Variants in STK32A observed in about 807,000 individuals in gnomAD.
The protein encoded by STK32A is serine/threonine kinase 32A, also known as serine/threonine-protein kinase 32A.
A neutral mutation model predicts 53.2 loss-of-function variants in STK32A; 41 were observed. That is an observed-to-expected ratio of 0.77 (90% CI 0.60 to 1.00). The LOEUF is 1.00. Among genes scored for constraint, STK32A ranks in the 50% least tolerant of loss-of-function variants. The pLI is 0.00. For synonymous variants in STK32A, 166 were observed against 162.8 expected, an observed-to-expected ratio of 1.02 and a Z score of -0.15; for missense variants, 458 against 485.8, an observed-to-expected ratio of 0.94 and a Z score of 0.54.
At chr5:147,341,737 A>G (rs1487138924) in intron 5 of STK32A, among the ~76,000 whole-genome samples, 2 of 152,216 alleles carry the variant, frequency 1.3e-5, no homozygotes, top group African/African-American at 4.8e-5. Context: ...CCAGTCTTTT[A>G]CACACTGATG....
At chr5:147,329,646 C>T (rs1754766208) in intron 5 of STK32A, among the ~76,000 whole-genome samples, 5 of 151,310 alleles carry the variant, frequency 3.3e-5, no homozygotes, top group African/African-American at 7.4e-5. Context: ...CGTGCACGCA[C>T]GCACACACAC....
chr5:147,337,135 C>T (rs993134703), intron 5 of STK32A, among the ~76,000 whole-genome samples: 5 of 152,138 alleles, frequency 3.3e-5, no homozygotes, highest in Non-Finnish European at 7.3e-5. Context: ...TTCCTTGGAT[C>T]CTGCCACAAG....
At chr5:147,240,000 A>C in intron 2 of STK32A, 1 of 277,260 alleles carries the variant, frequency 3.6e-6, no homozygotes. Context: ...AGTTGAAGTT[A>C]CCCCCATTGC....
intron 5 of STK32A, among the ~76,000 whole-genome samples, chr5:147,341,370 G>T (rs1340433581): frequency 6.6e-6 from 1 of 152,168 alleles, no homozygotes; most frequent in Non-Finnish European, 1.5e-5. Context: ...GAATTTCTCT[G>T]GGTGTCATTA....
rs1757184409 is a variant in STK32A, at chr5:147,375,204, T to C, written c.1018T>C (p.Cys340Arg). The change falls in exon 11 of 13, where the codon TGC (cysteine) becomes CGC (arginine). Residue 340 changes from cysteine (C) to arginine (R), a missense_variant. Cys to Arg is a radical substitution (Grantham distance 180). Transcript: ENST00000397936. ...LAKKEKDMRK[C>R]DSSQTCLLQE... Reference sequence around the variant, plus strand: ...AAAGAAGGAGAAGGATATGAGGAAATGCGATTCTTCTCAGGTAAGCAGGTC... The same window carrying C: ...AAAGAAGGAGAAGGATATGAGGAAACGCGATTCTTCTCAGGTAAGCAGGTC... 1 of 1,610,860 alleles carries C rather than the reference T, an allele frequency of 6.2e-7. No individual in the cohort carries two copies. The highest frequency in any genetic ancestry group is 1.1e-5 in the South Asian group (1 of 90,212).
At chr5:147,372,209 AGT>A (rs138596944) in intron 9 of STK32A, among the ~76,000 whole-genome samples, 2,064 of 150,440 alleles carry the variant, frequency 0.014, 36 homozygotes, top group African/African-American at 0.048. Context: ...GGAGGTCAAA[AGT>A]GTATATTGAG....
At chr5:147,394,251 C>A in the STK32A span, 1 of 880,312 alleles carries the variant, frequency 1.1e-6, no homozygotes, top group South Asian at 1.6e-5. Flanking sequence ...GCCTCACCTC[C>A]CAAGAAACTT....
chr5:147,381,213 T>C (rs1266233533), intron 11 of STK32A, among the ~76,000 whole-genome samples: 1 of 152,200 alleles, frequency 6.6e-6, no homozygotes, highest in African/African-American at 2.4e-5. Context: ...TTTAGCACTT[T>C]GAATATATCA....
the STK32A span, chr5:147,400,883 C>A: frequency 6.3e-7 from 1 of 1,592,184 alleles, no homozygotes; most frequent in South Asian, 1.2e-5. Context: ...GCTGGAGGCA[C>A]ACTGGGAGCT....
chr5:147,269,909 T>C (rs893117243), intron 2 of STK32A, among the ~76,000 whole-genome samples: 2 of 152,204 alleles, frequency 1.3e-5, no homozygotes, highest in African/African-American at 4.8e-5. Context: ...ATCAGTTGTT[T>C]TAACTTTTAA....
At chr5:147,336,520 C>A (rs965586938) in intron 5 of STK32A, among the ~76,000 whole-genome samples, 1 of 152,146 alleles carries the variant, frequency 6.6e-6, no homozygotes, top group Non-Finnish European at 1.5e-5. Flanking sequence ...TATATACTTA[C>A]ATGGAATACT....
In STK32A at chr5:147,355,742, A is replaced by ATATG. The variant is rs561242054; in HGVS notation, c.562+4598_562+4601dup. 2.0e-5 allele frequency among the ~76,000 whole-genome samples: 3 copies of ATATG among 150,436 alleles called. No homozygotes were observed. The East Asian group carries it at 5.9e-4, about 30-fold the overall frequency. ...AATAAAACATTCTCCTCCAAATTATATATGTATGTATGTGTATATATGTAT... is the reference window on the plus strand; with the variant it reads ...AATAAAACATTCTCCTCCAAATTATATATGTATGTATGTATGTGTATATATGTAT... On this transcript the variant is annotated intron_variant, in intron 7 of 12. Transcript: ENST00000397936.
intron 11 of STK32A, among the ~76,000 whole-genome samples, chr5:147,381,991 AT>A (rs1757472731): frequency 6.6e-6 from 1 of 152,178 alleles, no homozygotes; most frequent in Non-Finnish European, 1.5e-5. Context: ...CCTCAAAAAA[AT>A]CTCCTAATGT....
At chr5:147,265,141 TTTATATATA>T (rs1754749325) in intron 2 of STK32A, among the ~76,000 whole-genome samples, 1 of 131,510 alleles carries the variant, frequency 7.6e-6, no homozygotes, top group South Asian at 2.2e-4. Flanking sequence ...TTTATATATT[TTTATATATA>T]TTTATATATA....
At chr5:147,353,951 G>T (rs1268508745) in intron 7 of STK32A, among the ~76,000 whole-genome samples, 1 of 151,702 alleles carries the variant, frequency 6.6e-6, no homozygotes, top group Non-Finnish European at 1.5e-5. Flanking sequence ...TGAAATCAAG[G>T]ACAAGAGCAA....
intron 2 of STK32A, among the ~76,000 whole-genome samples, chr5:147,269,182 A>G (rs1754929232): frequency 6.6e-6 from 1 of 152,224 alleles, no homozygotes; most frequent in African/African-American, 2.4e-5. Context: ...TATATGTAAC[A>G]TATTTAGAAT....
chr5:147,274,740 T>A (rs1298588813), intron 2 of STK32A, among the ~76,000 whole-genome samples: 1 of 152,166 alleles, frequency 6.6e-6, no homozygotes, highest in Non-Finnish European at 1.5e-5. Flanking sequence ...CTTATAAACC[T>A]CATGAAGTAT....
Position 147,368,336 on chromosome 5 carries a change from T to C in STK32A, c.661-2318T>C, listed in dbSNP as rs574191064. 9.8e-5 allele frequency among the ~76,000 whole-genome samples: 15 copies of C among 152,368 alleles called. No homozygotes were observed. The South Asian group carries it at 3.1e-3, about 32-fold the overall frequency. Reference sequence around the variant, plus strand: ...TTATAACATTTCACCTTTTCCACTTTGTTTATTCTCTATATGCTCACTGTT... The same window carrying C: ...TTATAACATTTCACCTTTTCCACTTCGTTTATTCTCTATATGCTCACTGTT... On this transcript the variant is annotated intron_variant, in intron 8 of 12. Coordinates refer to ENST00000397936, the MANE Select transcript of STK32A (RefSeq NM_001112724.2).
At chr5:147,263,403 G>T (rs1437433561) in intron 2 of STK32A, among the ~76,000 whole-genome samples, 3 of 152,162 alleles carry the variant, frequency 2.0e-5, no homozygotes, top group Non-Finnish European at 4.4e-5. Context: ...AGACAACCAA[G>T]GATTCTCAGG....
Sources: allele counts gnomAD v4.1 joint callset (sites outside exome capture counted in the v4.1 genomes callset), GRCh38; gene constraint gnomAD v4.1.1; transcripts MANE v1.5; gene names NCBI Gene and HGNC (gene_info 2026-07-23, HGNC 2026-07-21).